Variants in GPM6A observed in about 807,000 individuals in gnomAD.
GPM6A encodes neuronal membrane glycoprotein M6-a.
A neutral mutation model predicts 32.1 loss-of-function variants in GPM6A; 7 were observed. That is an observed-to-expected ratio of 0.22 (90% CI 0.12 to 0.41). The LOEUF (loss-of-function observed/expected upper bound fraction) is 0.41. Among genes scored for constraint, GPM6A ranks in the 10% least tolerant of loss-of-function variants. The pLI is 1.00. For missense variants in GPM6A, 235 were observed against 347.2 expected (o/e 0.68, Z 2.57); for synonymous variants, 130 against 123.4 (o/e 1.05, Z -0.35).
chr4:175,669,753 C>A (rs1351465435), intron 3 of GPM6A, among the ~76,000 whole-genome samples: 1 of 152,074 alleles, frequency 6.6e-6, no homozygotes, highest in South Asian at 2.1e-4. Context: ...CAGAGATTGA[C>A]CTTATTGCTC....
intron 1 of GPM6A, among the ~76,000 whole-genome samples, chr4:175,849,474 G>A (rs1736186546): frequency 1.3e-5 from 2 of 152,140 alleles, no homozygotes; most frequent in African/African-American, 4.8e-5. Context: ...GATCCACACT[G>A]GACATGTAGC....
Position 175,736,405 on chromosome 4 carries a change from T to C in GPM6A, c.38-34638A>G, listed in dbSNP as rs76368606. Reference sequence around the variant, plus strand: ...AACATAGAGTCTTCACCTCCGAGGATCTATGCCACCTGTTTTAAAGAATGA... The same window carrying C: ...AACATAGAGTCTTCACCTCCGAGGACCTATGCCACCTGTTTTAAAGAATGA... On this transcript the variant is annotated intron_variant, in intron 1 of 6. Coordinates refer to ENST00000393658, the MANE Select transcript of GPM6A (RefSeq NM_201591.3). Among the ~76,000 whole-genome samples, 1,512 of 152,316 alleles carry C rather than the reference T, an allele frequency of 9.9e-3. 20 individuals carry two copies. The highest frequency in any genetic ancestry group is 0.034 in the African/African-American group (1,421 of 41,552).
intron 1 of GPM6A, among the ~76,000 whole-genome samples, chr4:175,783,350 T>C (rs1185204572): frequency 1.3e-5 from 2 of 151,928 alleles, no homozygotes; most frequent in Non-Finnish European, 2.9e-5. Context: ...ATTCATGATG[T>C]TATATTTTTC....
intron 4 of GPM6A, among the ~76,000 whole-genome samples, chr4:175,649,397 G>A (rs1035654559): frequency 6.6e-6 from 1 of 152,106 alleles, no homozygotes; most frequent in Non-Finnish European, 1.5e-5. Flanking sequence ...TATTAAGAAG[G>A]TCTATTTATC....
chr4:175,768,549 T>C (rs1224332952), intron 1 of GPM6A, among the ~76,000 whole-genome samples: 2 of 151,926 alleles, frequency 1.3e-5, no homozygotes, highest in Non-Finnish European at 2.9e-5. Context: ...TTCAGTATAG[T>C]GACTAACTCA....
intron 1 of GPM6A, among the ~76,000 whole-genome samples, chr4:175,845,564 A>G (rs1242072384): frequency 1.3e-5 from 2 of 152,096 alleles, no homozygotes; most frequent in African/African-American, 4.8e-5. Flanking sequence ...ACTGATTATA[A>G]CTACATTTAA....
intron 3 of GPM6A, among the ~76,000 whole-genome samples, chr4:175,668,341 T>A (rs557692439): frequency 2.0e-5 from 3 of 152,006 alleles, no homozygotes; most frequent in East Asian, 1.9e-4. Context: ...AACATTTTTT[T>A]AAAATATCAC....
At chr4:175,635,890 G>A (rs1317542941) in intron 6 of GPM6A, among the ~76,000 whole-genome samples, 1 of 151,766 alleles carries the variant, frequency 6.6e-6, no homozygotes, top group Non-Finnish European at 1.5e-5. Context: ...TTAAAGGGTG[G>A]GCAATATTTT....
At chr4:175,651,772 G>A in intron 4 of GPM6A, 62 bp downstream of exon 4, 2 of 1,234,274 alleles carry the variant, frequency 1.6e-6, no homozygotes, top group South Asian at 1.4e-5. Flanking sequence ...TTTAGAGGCA[G>A]CTATGTAGGT....
chr4:175,753,178 T>C (rs1030438706), intron 1 of GPM6A, among the ~76,000 whole-genome samples: 1 of 152,158 alleles, frequency 6.6e-6, no homozygotes, highest in Non-Finnish European at 1.5e-5. Context: ...TCGATATACT[T>C]CAGTTATTCT....
intron 1 of GPM6A, among the ~76,000 whole-genome samples, chr4:175,764,170 A>C (rs572458671): frequency 6.6e-6 from 1 of 152,202 alleles, no homozygotes; most frequent in African/African-American, 2.4e-5. Context: ...GTCCTGCCTC[A>C]GTTCCTGCCT....
chr4:175,812,381 G>C (rs11934159), upstream of GPM6A: 1 of 1,341,138 alleles, frequency 7.5e-7, no homozygotes, highest in Non-Finnish European at 9.4e-7. Context: ...CAAGTCCTCA[G>C]AGCTTAGCTC....
chr4:175,668,516 T>C (rs182817744), intron 3 of GPM6A, among the ~76,000 whole-genome samples: 102 of 148,484 alleles, frequency 6.9e-4, no homozygotes, highest in African/African-American at 2.4e-3. Context: ...GATTCAAACG[T>C]TTATGTGTGT....
At chr4:175,883,445 AC>A (rs1328999418) in intron 1 of GPM6A, among the ~76,000 whole-genome samples, 2 of 152,122 alleles carry the variant, frequency 1.3e-5, no homozygotes, top group African/African-American at 4.8e-5. Context: ...AGTTCACATA[AC>A]TTTTTCCCTG....
chr4:175,841,915 A>C (rs929062691), intron 1 of GPM6A, among the ~76,000 whole-genome samples: 1 of 152,154 alleles, frequency 6.6e-6, no homozygotes, highest in Non-Finnish European at 1.5e-5. Flanking sequence ...CATTCCATTT[A>C]TTGTTTTAGA....
intron 1 of GPM6A, among the ~76,000 whole-genome samples, chr4:175,882,025 G>A (rs1327244531): frequency 6.6e-6 from 1 of 151,682 alleles, no homozygotes; most frequent in African/African-American, 2.4e-5. Context: ...TTTTAAAAAA[G>A]GGGAGAAATT....
intron 1 of GPM6A, among the ~76,000 whole-genome samples, chr4:175,986,319 G>A (rs2126452025): frequency 6.6e-6 from 1 of 152,254 alleles, no homozygotes; most frequent in African/African-American, 2.4e-5. Context: ...AGAATTGCTT[G>A]AGGCCAAAAG....
intron 1 of GPM6A, among the ~76,000 whole-genome samples, chr4:175,750,232 A>G (rs980336714): frequency 6.6e-6 from 1 of 151,760 alleles, no homozygotes; most frequent in Non-Finnish European, 1.5e-5. Context: ...CTAATTTTGT[A>G]TTTTTATTAG....
chr4:175,829,957 C>A (rs1735559082), intron 1 of GPM6A, among the ~76,000 whole-genome samples: 1 of 151,978 alleles, frequency 6.6e-6, no homozygotes. Flanking sequence ...GTAATCTGGG[C>A]AAAAGAGGTC....
Sources: gnomAD v4.1 joint callset for allele counts (sites outside exome capture counted in the v4.1 genomes callset) on GRCh38, gnomAD v4.1.1 for gene constraint, MANE v1.5 for transcripts, NCBI Gene and HGNC (gene_info 2026-07-23, HGNC 2026-07-21) for gene names.